WDR59: variants seen among roughly 807,000 people sequenced by gnomAD.
The protein encoded by WDR59 is GATOR2 complex protein WDR59.
A neutral mutation model predicts 131.2 loss-of-function variants in WDR59; 100 were observed. The ratio of observed to expected loss-of-function variants is 0.76; its 90% CI spans 0.65 to 0.90. The LOEUF is 0.90. WDR59 is among the 40% of genes least tolerant of loss of function. WDR59 has a pLI of 0.00. For missense variants in WDR59, 1,203 were observed against 1,262.2 expected, an observed-to-expected ratio of 0.95 and a Z score of 0.71; for synonymous variants, 601 against 466.2, an observed-to-expected ratio of 1.29 and a Z score of -3.72.
chr16:74,895,494 C>G (rs1051924262), intron 18 of WDR59, among the ~76,000 whole-genome samples: 7 of 152,150 alleles, frequency 4.6e-5, no homozygotes, highest in Non-Finnish European at 1.0e-4. Flanking sequence ...AACTCCTGAC[C>G]TCAAGTGATT....
At chr16:74,913,996 C>T (rs1425230013) in intron 13 of WDR59, among the ~76,000 whole-genome samples, 1 of 152,174 alleles carries the variant, frequency 6.6e-6, no homozygotes, top group Non-Finnish European at 1.5e-5. Flanking sequence ...CAACTGACAT[C>T]AGGAGTTCGA....
chr16:74,922,167 G>C, intron 9 of WDR59, 64 bp from the exon 10 acceptor site: 1 of 1,582,392 alleles, frequency 6.3e-7, no homozygotes, highest in Non-Finnish European at 8.6e-7. Context: ...TGAGTCTTGA[G>C]TTTCCAAACC....
intron 7 of WDR59, among the ~76,000 whole-genome samples, chr16:74,940,608 T>C (rs925123673): frequency 1.2e-4 from 18 of 152,196 alleles, no homozygotes; most frequent in African/African-American, 2.4e-5. Flanking sequence ...CCATCAGTGC[T>C]GCTTTGACAC....
At chr16:74,947,444 G>A (rs913899093) in intron 6 of WDR59, among the ~76,000 whole-genome samples, 3 of 152,144 alleles carry the variant, frequency 2.0e-5, no homozygotes, top group Non-Finnish European at 2.9e-5. Context: ...AGAAACCACA[G>A]GATGAACTAT....
intron 1 of WDR59, among the ~76,000 whole-genome samples, chr16:74,973,452 A>T (rs2034066842): frequency 6.6e-6 from 1 of 152,004 alleles, no homozygotes; most frequent in South Asian, 2.1e-4. Flanking sequence ...ATGCTCAGCT[A>T]AGTTTTTCAT....
chr16:74,983,649 G>A (rs1290565132), intron 1 of WDR59, among the ~76,000 whole-genome samples: 2 of 152,024 alleles, frequency 1.3e-5, no homozygotes, highest in Non-Finnish European at 2.9e-5. Flanking sequence ...AATGCTGTGT[G>A]TGCCACACAT....
At chr16:74,898,556 G>A (rs1277177740) in intron 18 of WDR59, among the ~76,000 whole-genome samples, 1 of 152,204 alleles carries the variant, frequency 6.6e-6, no homozygotes, top group Non-Finnish European at 1.5e-5. Flanking sequence ...GAGTGGGGTG[G>A]GGGTTGGGGG....
intron 2 of WDR59, among the ~76,000 whole-genome samples, chr16:74,965,504 G>A (rs752849740): frequency 1.3e-5 from 2 of 152,160 alleles, no homozygotes; most frequent in African/African-American, 2.4e-5. Context: ...AAACATCCTT[G>A]AGTCTTGCAG....
chr16:74,949,922 GT>G, intron 4 of WDR59, 124 bp from the exon 5 acceptor site: 1 of 882,068 alleles, frequency 1.1e-6, no homozygotes, highest in Non-Finnish European at 1.8e-6. Flanking sequence ...TCTTAATGTG[GT>G]TTAGGCTGAG....
intron 6 of WDR59, among the ~76,000 whole-genome samples, chr16:74,943,107 C>T (rs1005148405): frequency 2.6e-5 from 4 of 152,180 alleles, no homozygotes; most frequent in Admixed American, 6.5e-5. Flanking sequence ...AACATAGTTT[C>T]TTACAGAGCA....
At chr16:74,952,319 G>C (rs1016266645) in intron 3 of WDR59, among the ~76,000 whole-genome samples, 1 of 151,746 alleles carries the variant, frequency 6.6e-6, no homozygotes, top group Non-Finnish European at 1.5e-5. Flanking sequence ...GTGCATGCCT[G>C]TGGTCTCAGC....
At chr16:74,926,178 G>A (rs1325601288) in intron 8 of WDR59, among the ~76,000 whole-genome samples, 4 of 151,052 alleles carry the variant, frequency 2.6e-5, no homozygotes, top group African/African-American at 9.7e-5. Flanking sequence ...TCCTGCCTCA[G>A]CCTCCCACGT....
chr16:74,976,617 A>AT lies in WDR59; in HGVS notation c.54+8346dup, dbSNP rs532747393. ...CCACCACACCTGGCTAATTTTCTGTATTTTTAGTAGAGACAGGGTTTCACT... is the reference window on the plus strand; with the variant it reads ...CCACCACACCTGGCTAATTTTCTGTATTTTTTAGTAGAGACAGGGTTTCACT... On this transcript the variant is annotated intron_variant, in intron 1 of 25. Coordinates refer to ENST00000262144, the MANE Select transcript of WDR59 (RefSeq NM_030581.4). Among the ~76,000 whole-genome samples the AT allele has an allele frequency of 3.0e-3, 452 of 151,498 alleles. 1 individual carries two copies. The highest frequency in any genetic ancestry group is 5.1e-3 in the Admixed American group (77 of 15,228).
intron 10 of WDR59, among the ~76,000 whole-genome samples, chr16:74,920,650 C>T (rs1460849028): frequency 6.6e-6 from 1 of 152,190 alleles, no homozygotes; most frequent in Non-Finnish European, 1.5e-5. Context: ...CTCAGCCTCC[C>T]AAAGTACTGA....
intron 6 of WDR59, among the ~76,000 whole-genome samples, 175 bp downstream of exon 6, chr16:74,948,344 G>C (rs1197044491): frequency 6.6e-6 from 1 of 152,180 alleles, no homozygotes; most frequent in South Asian, 2.1e-4. Flanking sequence ...GCAGCCTAAA[G>C]TGAGCCCCTT....
intron 1 of WDR59, among the ~76,000 whole-genome samples, chr16:74,971,337 C>CA (rs1311240106): frequency 7.5e-5 from 11 of 145,950 alleles, no homozygotes; most frequent in South Asian, 2.2e-4. Context: ...ACAGTGGTCC[C>CA]AAAAAAAAGA....
intron 1 of WDR59, among the ~76,000 whole-genome samples, chr16:74,984,103 C>G (rs993013962): frequency 5.3e-5 from 8 of 151,882 alleles, no homozygotes; most frequent in Admixed American, 6.6e-5. Flanking sequence ...AAGGTGAAAC[C>G]CCGTCTCTAC....
chr16:74,979,322 C>T (rs991428283), intron 1 of WDR59, among the ~76,000 whole-genome samples: 1 of 151,566 alleles, frequency 6.6e-6, no homozygotes, highest in Non-Finnish European at 1.5e-5. Context: ...AAAAATTAGC[C>T]AGGCATGGTG....
intron 7 of WDR59, among the ~76,000 whole-genome samples, chr16:74,940,794 C>T (rs978022497): frequency 2.6e-5 from 4 of 152,090 alleles, no homozygotes; most frequent in Non-Finnish European, 5.9e-5. Context: ...CAAGCTCCGC[C>T]TCCCGGGTTC....
Sources: allele counts gnomAD v4.1 joint callset (sites outside exome capture counted in the v4.1 genomes callset), GRCh38; gene constraint gnomAD v4.1.1; transcripts MANE v1.5; gene names NCBI Gene and HGNC (gene_info 2026-07-23, HGNC 2026-07-21).